HDAC9: variants seen among roughly 807,000 people sequenced by gnomAD.
The protein encoded by HDAC9 is histone deacetylase 9.
Under a neutral mutation model 139.4 loss-of-function variants are expected in HDAC9, and 41 were observed. The observed-to-expected ratio is 0.29, with a 90% CI of 0.23 to 0.38. The LOEUF (loss-of-function observed/expected upper bound fraction) is 0.38, where lower values mean the gene tolerates loss of function less well. Among genes scored for constraint, HDAC9 ranks in the 10% least tolerant of loss-of-function variants. HDAC9 has a pLI of 1.00. For synonymous variants in HDAC9, 517 were observed against 476.2 expected (o/e 1.09, Z -1.12); for missense variants, 1,147 against 1,297.0 (o/e 0.88, Z 1.78).
intron 12 of HDAC9, among the ~76,000 whole-genome samples, chr7:18,726,690 T>C (rs1785575225): frequency 6.6e-6 from 1 of 150,706 alleles, no homozygotes; most frequent in African/African-American, 2.4e-5. Context: ...TAAATATTTT[T>C]ATTAATAAAT....
chr7:18,926,688 A>T (rs533394374), intron 22 of HDAC9, among the ~76,000 whole-genome samples: 1 of 152,190 alleles, frequency 6.6e-6, no homozygotes, highest in African/African-American at 2.4e-5. Flanking sequence ...CCAGTCAATC[A>T]TTCTTGCCAT....
At position 18,133,652 on chromosome 7, in the gene HDAC9, C is replaced by T. The variant is rs571514986; in HGVS notation, c.-96-28577C>T. On this transcript the variant is annotated intron_variant, in intron 1 of 12. Coordinates refer to the HDAC9 transcript ENST00000417496. ...ACCTTTTTAAATGACTTAATGGGCT[C>T]GAGTTTTGTTGGTTGTTTTGCATTT... 9.2e-5 allele frequency among the ~76,000 whole-genome samples: 14 copies of T among 152,010 alleles called. No individual in the cohort carries two copies. The East Asian group carries it at 1.2e-3, about 13-fold the overall frequency.
chr7:18,167,956 T>C (rs1788119664), intron 2 of HDAC9, among the ~76,000 whole-genome samples: 2 of 152,194 alleles, frequency 1.3e-5, no homozygotes, highest in Admixed American at 1.3e-4. Context: ...CATTAAAAAG[T>C]TAAGTAATTT....
upstream of HDAC9, among the ~76,000 whole-genome samples, chr7:18,289,932 A>G (rs773517523): frequency 1.3e-5 from 2 of 152,100 alleles, no homozygotes; most frequent in Non-Finnish European, 2.9e-5. Flanking sequence ...CTTCAGAGAA[A>G]GAAAGTCGTC....
chr7:18,789,286 G>GCGCGCGCGCACACACACACA (rs146066951), intron 16 of HDAC9, among the ~76,000 whole-genome samples: 1 of 148,396 alleles, frequency 6.7e-6, no homozygotes, highest in Non-Finnish European at 1.5e-5. Context: ...ACACATACAC[G>GCGCGCGCGCACACACACACA]CACACACACA....
intron 2 of HDAC9, among the ~76,000 whole-genome samples, chr7:18,284,063 A>G (rs1797277366): frequency 6.6e-6 from 1 of 152,158 alleles, no homozygotes. Context: ...AAGTGCTACC[A>G]TAATTTTGTG....
intron 1 of HDAC9, among the ~76,000 whole-genome samples, chr7:18,132,394 C>G (rs1181459620): frequency 6.6e-6 from 1 of 151,690 alleles, no homozygotes; most frequent in Non-Finnish European, 1.5e-5. Context: ...GTCTTTTTTT[C>G]TTTTTGTTTT....
chr7:18,103,178 C>A (rs1584053740), intron 1 of HDAC9, among the ~76,000 whole-genome samples: 2 of 152,214 alleles, frequency 1.3e-5, no homozygotes, highest in South Asian at 4.1e-4. Context: ...GACTTGTTCA[C>A]TACCATGGGA....
intron 12 of HDAC9, among the ~76,000 whole-genome samples, chr7:18,699,297 C>T (rs531025890): frequency 3.3e-5 from 5 of 152,200 alleles, no homozygotes; most frequent in African/African-American, 1.2e-4. Flanking sequence ...CGTTTCCAAA[C>T]CTTCTCTGTG....
At chr7:18,543,723 G>T (rs1258440794) in intron 2 of HDAC9, 2 of 151,966 alleles carry the variant, frequency 1.3e-5, no homozygotes, top group Admixed American at 6.6e-5. Flanking sequence ...GGAGGAGATG[G>T]AATATATTTT....
At chr7:18,691,841 A>G (rs892158848) in intron 12 of HDAC9, among the ~76,000 whole-genome samples, 2 of 152,066 alleles carry the variant, frequency 1.3e-5, no homozygotes, top group African/African-American at 2.4e-5. Flanking sequence ...GGGGTAGCCC[A>G]TATTGATCCC....
chr7:18,602,984 A>G (rs1395585387), intron 6 of HDAC9, among the ~76,000 whole-genome samples: 1 of 152,080 alleles, frequency 6.6e-6, no homozygotes, highest in African/African-American at 2.4e-5. Flanking sequence ...TGACATTATT[A>G]GGAGCATACA....
chr7:18,619,385 A>C (rs570653207), intron 6 of HDAC9, among the ~76,000 whole-genome samples: 1 of 152,292 alleles, frequency 6.6e-6, no homozygotes, highest in East Asian at 1.9e-4. Context: ...TCATTCAGCA[A>C]CTGTTTATGG....
At chr7:18,412,471 G>A (rs1585716539) in intron 1 of HDAC9, among the ~76,000 whole-genome samples, 1 of 152,130 alleles carries the variant, frequency 6.6e-6, no homozygotes, top group Non-Finnish European at 1.5e-5. Context: ...TTGCACCTTT[G>A]TTCGTCAGCT....
chr7:18,108,335 G>A (rs1346097699), intron 1 of HDAC9, among the ~76,000 whole-genome samples: 1 of 152,090 alleles, frequency 6.6e-6, no homozygotes, highest in African/African-American at 2.4e-5. Context: ...GGAGATGGGC[G>A]CCATCATGGG....
intron 19 of HDAC9, among the ~76,000 whole-genome samples, chr7:18,831,459 G>A (rs1375919629): frequency 1.3e-5 from 2 of 152,050 alleles, no homozygotes; most frequent in African/African-American, 4.8e-5. Flanking sequence ...AAGCTTCCTG[G>A]CCTTTGATTA....
chr7:18,976,052 T>G, intron 25 of HDAC9, 99 bp downstream of exon 25: 1 of 1,234,646 alleles, frequency 8.1e-7, no homozygotes, highest in Non-Finnish European at 1.1e-6. Context: ...ACCTGTCTCC[T>G]CCACTTCCAC....
chr7:18,462,970 G>A (rs1793975608), intron 1 of HDAC9, among the ~76,000 whole-genome samples: 1 of 151,952 alleles, frequency 6.6e-6, no homozygotes, highest in Non-Finnish European at 1.5e-5. Flanking sequence ...CCAATGTATA[G>A]TCCTACTGGT....
chr7:18,110,852 G>A (rs990614083), intron 1 of HDAC9, among the ~76,000 whole-genome samples: 4 of 152,160 alleles, frequency 2.6e-5, no homozygotes, highest in Non-Finnish European at 4.4e-5. Flanking sequence ...GGATATGATA[G>A]ATATTTAAAA....
Sources: allele counts gnomAD v4.1 joint callset (sites outside exome capture counted in the v4.1 genomes callset), GRCh38; gene constraint gnomAD v4.1.1; transcripts MANE v1.5; gene names NCBI Gene and HGNC (gene_info 2026-07-23, HGNC 2026-07-21).